Variants in RTL4 observed in about 807,000 individuals in gnomAD.
RTL4 encodes retrotransposon Gag like 4, also known as retrotransposon Gag-like protein 4.
Under a neutral mutation model 5.3 loss-of-function variants are expected in RTL4, and 4 were observed. The ratio of observed to expected loss-of-function variants is 0.75; its 90% CI spans 0.37 to 1.72. The LOEUF is 1.72. RTL4 is among the 40% of genes most tolerant of loss of function. The pLI, the probability that RTL4 is intolerant of heterozygous loss-of-function variation, is 0.04. For missense variants in RTL4, 260 were observed against 227.1 expected (o/e 1.14, Z -0.93); for synonymous variants, 98 against 87.3 (o/e 1.12, Z -0.68).
the RTL4 span, among the ~76,000 whole-genome samples, chrX:112,109,272 G>A: frequency 9.0e-5 from 10 of 111,597 alleles, no homozygotes; most frequent in South Asian, 7.6e-4. Context: ...TCTTGGTCTC[G>A]CTGACTTCAA....
the RTL4 span, among the ~76,000 whole-genome samples, chrX:112,290,562 T>C: frequency 8.9e-6 from 1 of 111,922 alleles, no homozygotes. Flanking sequence ...CCACTTGTAC[T>C]GTTCAGTATT....
the RTL4 span, among the ~76,000 whole-genome samples, chrX:112,243,291 C>T: frequency 9.0e-6 from 1 of 110,811 alleles, no homozygotes; most frequent in East Asian, 2.8e-4. Flanking sequence ...CTCTTTGTAC[C>T]TCTGGTAGAA....
At chrX:112,309,603 C>T in the RTL4 span, among the ~76,000 whole-genome samples, 2 of 108,151 alleles carry the variant, frequency 1.8e-5, no homozygotes, top group African/African-American at 6.7e-5. Flanking sequence ...ATCCTCCTAC[C>T]TCAGCCTCCC....
chrX:112,378,016 G>C, the RTL4 span, among the ~76,000 whole-genome samples: 1 of 111,517 alleles, frequency 9.0e-6, no homozygotes, highest in African/African-American at 3.3e-5. Flanking sequence ...AGAGATCCTA[G>C]ACTGCATTGT....
the RTL4 span, among the ~76,000 whole-genome samples, chrX:112,191,895 T>C: frequency 8.9e-6 from 1 of 111,810 alleles, no homozygotes; most frequent in Admixed American, 9.5e-5. Flanking sequence ...GTCTTTCACA[T>C]GTTTCTCAGT....
At chrX:112,350,702 C>T in the RTL4 span, among the ~76,000 whole-genome samples, 5 of 111,203 alleles carry the variant, frequency 4.5e-5, no homozygotes, top group Middle Eastern at 9.3e-3. Flanking sequence ...TCTGTGGGAT[C>T]GGTGGTGATA....
the RTL4 span, among the ~76,000 whole-genome samples, chrX:112,275,398 T>C: frequency 9.0e-6 from 1 of 111,308 alleles, no homozygotes; most frequent in Non-Finnish European, 1.9e-5. Context: ...TTCCCAGAAA[T>C]TGTGATGGTG....
the RTL4 span, among the ~76,000 whole-genome samples, chrX:112,366,956 G>A: frequency 1.8e-5 from 2 of 111,399 alleles, no homozygotes; most frequent in Non-Finnish European, 3.8e-5. Flanking sequence ...CTCTGCTACA[G>A]GGATAATAAA....
the RTL4 span, among the ~76,000 whole-genome samples, chrX:112,101,539 C>T: frequency 9.0e-6 from 1 of 111,130 alleles, no homozygotes; most frequent in Non-Finnish European, 1.9e-5. Context: ...CCCAGAAAAA[C>T]TGATGAATAA....
the RTL4 span, among the ~76,000 whole-genome samples, chrX:112,413,301 T>G: frequency 2.7e-5 from 3 of 111,440 alleles, no homozygotes; most frequent in African/African-American, 9.8e-5. Context: ...TGGAAGTTCC[T>G]CAAAAACCTG....
chrX:112,124,013 G>C, the RTL4 span, among the ~76,000 whole-genome samples: 1 of 110,838 alleles, frequency 9.0e-6, no homozygotes, highest in Non-Finnish European at 1.9e-5. Flanking sequence ...TCATAAAAAA[G>C]TGGGCAAAGG....
chrX:112,408,799 G>A, the RTL4 span, among the ~76,000 whole-genome samples: 2 of 112,222 alleles, frequency 1.8e-5, no homozygotes, highest in Non-Finnish European at 3.8e-5. Context: ...ACAATGGAGC[G>A]CCAGTATGTC....
the RTL4 span, among the ~76,000 whole-genome samples, chrX:112,415,903 T>C: frequency 1.8e-5 from 2 of 111,573 alleles, no homozygotes; most frequent in South Asian, 3.8e-4. Flanking sequence ...CATCCTATAT[T>C]AGTTTCCTAG....
chrX:112,163,658 A>G, the RTL4 span, among the ~76,000 whole-genome samples: 1 of 112,454 alleles, frequency 8.9e-6, no homozygotes, highest in Admixed American at 9.4e-5. Context: ...ATCTTCAAAT[A>G]CCAGCTTTGT....
At chrX:112,173,602 T>TA in the RTL4 span, among the ~76,000 whole-genome samples, 7 of 110,775 alleles carry the variant, frequency 6.3e-5, no homozygotes, top group Admixed American at 1.9e-4. Context: ...AGATTTCAGT[T>TA]AAAAAAAGAG....
At chrX:112,451,497 T>C (rs995002796), upstream of RTL4, among the ~76,000 whole-genome samples, 1 of 110,236 alleles carries the variant, frequency 9.1e-6, no homozygotes, top group Non-Finnish European at 1.9e-5. Context: ...AGGTTCTGTC[T>C]CAAAAAAAAA....
the RTL4 span, among the ~76,000 whole-genome samples, chrX:112,176,750 A>G: frequency 2.7e-5 from 3 of 111,210 alleles, no homozygotes; most frequent in East Asian, 8.5e-4. Context: ...TTCCTATTGT[A>G]CTATTGAATA....
chrX:112,084,256 G>A, the RTL4 span, among the ~76,000 whole-genome samples: 1 of 111,196 alleles, frequency 9.0e-6, no homozygotes, highest in East Asian at 2.8e-4. Context: ...GTCGCTCGGG[G>A]CACCAAGCAA....
chrX:112,091,725 G>A, the RTL4 span, among the ~76,000 whole-genome samples: 2 of 110,676 alleles, frequency 1.8e-5, no homozygotes, highest in African/African-American at 6.5e-5. Context: ...GTTTTGGGGT[G>A]ACATGTTCTA....
Sources: allele counts gnomAD v4.1 joint callset (sites outside exome capture counted in the v4.1 genomes callset), GRCh38; gene constraint gnomAD v4.1.1; transcripts MANE v1.5; gene names NCBI Gene and HGNC (gene_info 2026-07-23, HGNC 2026-07-21).